TMEM114: variants seen among roughly 807,000 people sequenced by gnomAD.
TMEM114 encodes claudin-26.
TMEM114 carries 6 observed loss-of-function variants against 6.2 expected under a neutral mutation model. That is an observed-to-expected ratio of 0.97 (90% CI 0.53 to 1.91). The LOEUF (loss-of-function observed/expected upper bound fraction) is 1.91. Among genes scored for constraint, TMEM114 ranks in the 40% most tolerant of loss-of-function variants. The pLI is 0.01. For missense variants in TMEM114, 218 were observed against 158.3 expected, an observed-to-expected ratio of 1.38 and a Z score of -2.02; for synonymous variants, 104 against 73.0, an observed-to-expected ratio of 1.42 and a Z score of -2.16.
chr16:8,542,760 G>C lies in TMEM114; in HGVS notation n.213-4934C>G, dbSNP rs1358378225. ...GCCTGGGGTTAGTGGGTTATCTGAGGGAACTGGGATATTTCCAACCAGAAT... is the reference window on the plus strand; with the variant it reads ...GCCTGGGGTTAGTGGGTTATCTGAGCGAACTGGGATATTTCCAACCAGAAT... On this transcript the variant is annotated intron_variant and non_coding_transcript_variant, in intron 2 of 2. Transcript: ENST00000623677. Among the ~76,000 whole-genome samples, 5 of 152,042 alleles carry C rather than the reference G, an allele frequency of 3.3e-5. 1 individual carries two copies. The highest frequency in any genetic ancestry group is 2.9e-5 in the Non-Finnish European group (2 of 68,016).
At chr16:8,548,220 G>A (rs1400428347) in intron 2 of TMEM114, among the ~76,000 whole-genome samples, 1 of 152,130 alleles carries the variant, frequency 6.6e-6, no homozygotes, top group Non-Finnish European at 1.5e-5. Flanking sequence ...TCCACCCCTG[G>A]ATTTTCTCAT....
chr16:8,530,945 A>T, the TMEM114 span, among the ~76,000 whole-genome samples: 2 of 152,034 alleles, frequency 1.3e-5, no homozygotes, highest in Non-Finnish European at 2.9e-5. Flanking sequence ...GAATGGCTTG[A>T]AGTGGGAGGC....
In TMEM114 at chr16:8,590,105, C is replaced by T. The variant is rs1024510930; in HGVS notation, c.-267G>A. 32 of 352,394 alleles carry T rather than the reference C, an allele frequency of 9.1e-5. No homozygotes were observed. Among genetic ancestry groups the T allele is most frequent in the African/African-American group, 5.7e-4 (27 of 47,298 alleles). 21.8% of individuals were successfully genotyped at this position (352,394 alleles called of 1,614,324 possible). On this transcript the variant is annotated 5_prime_UTR_variant, in exon 1 of 4. Coordinates refer to ENST00000620492, the MANE Select transcript of TMEM114 (RefSeq NM_001146336.2). ...AATGCCAGCTCTACCTGCAGACCCC[C>T]TCACTCTCACTTGTGCTGTCCGACC... is the stretch of plus-strand genomic sequence containing the variant.
Position 8,569,983 on chromosome 16 carries a change from G to A in TMEM114, c.462C>T (p.Ile154=). 1 of 1,550,508 alleles carries A rather than the reference G, an allele frequency of 6.4e-7. No homozygotes were observed. Among genetic ancestry groups the A allele is most frequent in the Non-Finnish European group, 8.7e-7 (1 of 1,146,680 alleles). ...LFGAMVTLAG[I]SVYIAYSAAA... ...CGGCTGAATACGCTATGTAGACGCT[G>A]ATCCCAGCGAGGGTCACCATGGCTG... Residue 154 remains isoleucine (I), a synonymous_variant, in exon 4 of 4, where the codon ATC becomes ATT. Coordinates refer to ENST00000620492, the MANE Select transcript of TMEM114 (RefSeq NM_001146336.2).
intron 2 of TMEM114, among the ~76,000 whole-genome samples, chr16:8,575,564 C>A (rs188582774): frequency 6.6e-6 from 1 of 152,312 alleles, no homozygotes; most frequent in East Asian, 1.9e-4. Flanking sequence ...TGATGCAACA[C>A]CTGCCACCTA....
At chr16:8,558,819 C>T (rs886928933) in intron 2 of TMEM114, among the ~76,000 whole-genome samples, 4 of 151,712 alleles carry the variant, frequency 2.6e-5, no homozygotes, top group African/African-American at 7.3e-5. Context: ...CGGCTCACTG[C>T]AACCCCTGCC....
At chr16:8,579,022 T>C (rs972635041) in intron 2 of TMEM114, among the ~76,000 whole-genome samples, 1 of 152,124 alleles carries the variant, frequency 6.6e-6, no homozygotes, top group African/African-American at 2.4e-5. Flanking sequence ...CATTGTTTCA[T>C]CAATGGTAAA....
At chr16:8,581,349 A>G (rs191767863) in intron 2 of TMEM114, among the ~76,000 whole-genome samples, 1 of 152,302 alleles carries the variant, frequency 6.6e-6, no homozygotes, top group African/African-American at 2.4e-5. Context: ...ATGTCTAGCC[A>G]TCTCTCCATC....
Position 8,569,921 on chromosome 16 carries a change from T to G in TMEM114, c.524A>C (p.Lys175Thr). ...GATGTCCACCTGGTCCAGGAGGGCCTTCTCCTCCAAGAGACACAGCGCCTC... is the reference window on the plus strand; with the variant it reads ...GATGTCCACCTGGTCCAGGAGGGCCGTCTCCTCCAAGAGACACAGCGCCTC... ...FREALCLLEE[K>T]ALLDQVDISF... The change falls in exon 4 of 4, where the codon AAG becomes ACG. Residue 175 changes from lysine (K) to threonine (T), a missense_variant. Transcript: ENST00000620492. The G allele has an allele frequency of 1.3e-6, 2 of 1,551,156 alleles. No individual in the cohort carries two copies. Among genetic ancestry groups the G allele is most frequent in the Non-Finnish European group, 1.7e-6 (2 of 1,146,946 alleles).
chr16:8,563,085 G>GTAAGTGAA (rs1567202705), intron 2 of TMEM114, among the ~76,000 whole-genome samples: 5 of 148,232 alleles, frequency 3.4e-5, no homozygotes, highest in African/African-American at 5.0e-5. Flanking sequence ...AAGTGAATGA[G>GTAAGTGAA]TGAGTGAGGG....
the TMEM114 span, among the ~76,000 whole-genome samples, chr16:8,530,459 A>C: frequency 6.6e-6 from 1 of 152,186 alleles, no homozygotes; most frequent in East Asian, 1.9e-4. Flanking sequence ...GGGAAGGACT[A>C]GACTGGGAAG....
At chr16:8,540,354 C>T (rs1596465434) in intron 2 of TMEM114, among the ~76,000 whole-genome samples, 1 of 152,108 alleles carries the variant, frequency 6.6e-6, no homozygotes, top group Non-Finnish European at 1.5e-5. Flanking sequence ...GCTGATCGCT[C>T]GCCTGCTGGG....
chr16:8,559,028 C>T (rs1014633458), intron 2 of TMEM114, among the ~76,000 whole-genome samples: 1 of 150,882 alleles, frequency 6.6e-6, no homozygotes, highest in African/African-American at 2.4e-5. Context: ...AAGGCGTGAG[C>T]CACTGCACCC....
In TMEM114 at chr16:8,589,720, AG is replaced by A. The variant is rs1171257459; in HGVS notation, c.118del (p.Leu40TrpfsTer23). ...DFWYIIDTER[L>X]ERTGPGAQDL... The stretch of plus-strand genomic sequence containing the variant: ...CTGCGCCCCCGGGCCAGTCCTCTCC[AG>A]CCGCTCGGTGTCAATGATATACCAG... On this transcript the variant is annotated frameshift_variant, in exon 1 of 4. Transcript: ENST00000620492. LOFTEE classifies it high-confidence loss of function. 7.5e-6 allele frequency: 3 copies of A among 398,088 alleles called. No individual in the cohort carries two copies. Among genetic ancestry groups the A allele is most frequent in the African/African-American group, 2.1e-5 (1 of 48,498 alleles). 24.7% of individuals were successfully genotyped at this position (398,088 alleles called of 1,614,324 possible).
intron 2 of TMEM114, among the ~76,000 whole-genome samples, chr16:8,546,002 C>T (rs115602902): frequency 0.013 from 1,924 of 152,206 alleles, 42 homozygotes; most frequent in African/African-American, 0.045. Flanking sequence ...GTAGTCCCAG[C>T]TGCCTTGGAG....
intron 2 of TMEM114, among the ~76,000 whole-genome samples, chr16:8,551,763 C>A (rs60355567): frequency 1.3e-5 from 2 of 152,172 alleles, no homozygotes; most frequent in African/African-American, 4.8e-5. Context: ...AGGGGTGTTT[C>A]ATTAAACTTC....
chr16:8,584,077 G>A (rs1026858255), intron 2 of TMEM114, among the ~76,000 whole-genome samples: 2 of 152,216 alleles, frequency 1.3e-5, no homozygotes, highest in East Asian at 1.9e-4. Context: ...GAAACAGAAC[G>A]TCTCCCTTTT....
At chr16:8,567,851 G>T (rs1305462370), downstream of TMEM114, among the ~76,000 whole-genome samples, 3 of 152,302 alleles carry the variant, frequency 2.0e-5, no homozygotes, top group East Asian at 3.9e-4. Context: ...CGGTAGCATG[G>T]TTGCCCTCAC....
intron 2 of TMEM114, among the ~76,000 whole-genome samples, chr16:8,562,211 A>G (rs1191347567): frequency 6.7e-6 from 1 of 148,870 alleles, no homozygotes; most frequent in Non-Finnish European, 1.5e-5. Flanking sequence ...TCAGTGAATG[A>G]GTGAGTAAAT....
Sources: allele counts gnomAD v4.1 joint callset (sites outside exome capture counted in the v4.1 genomes callset), GRCh38; gene constraint gnomAD v4.1.1; transcripts MANE v1.5; gene names NCBI Gene and HGNC (gene_info 2026-07-23, HGNC 2026-07-21).